Variants in SLC24A2 observed in about 807,000 individuals in gnomAD.
SLC24A2 encodes the protein sodium/potassium/calcium exchanger 2.
SLC24A2 carries 36 observed loss-of-function variants against 62.0 expected under a neutral mutation model. That is an observed-to-expected ratio of 0.58 (90% CI 0.44 to 0.77). The LOEUF (loss-of-function observed/expected upper bound fraction) is 0.77. SLC24A2 is among the 30% of genes least tolerant of loss of function. The pLI is 0.00. For synonymous variants in SLC24A2, 358 were observed against 294.0 expected, an observed-to-expected ratio of 1.22 and a Z score of -2.23; for missense variants, 846 against 817.9, an observed-to-expected ratio of 1.03 and a Z score of -0.42.
At chr9:20,106,519 C>T in the SLC24A2 span, among the ~76,000 whole-genome samples, 4 of 152,192 alleles carry the variant, frequency 2.6e-5, no homozygotes, top group African/African-American at 9.7e-5. Flanking sequence ...TGGGCTTCAT[C>T]CCTGGGATGC....
the SLC24A2 span, among the ~76,000 whole-genome samples, chr9:20,016,274 GA>G: frequency 6.6e-6 from 1 of 151,964 alleles, no homozygotes; most frequent in Non-Finnish European, 1.5e-5. Context: ...TTATTACTAG[GA>G]AAAACATGAA....
At chr9:20,019,103 T>TAGAAAGAA in the SLC24A2 span, among the ~76,000 whole-genome samples, 23 of 84,790 alleles carry the variant, frequency 2.7e-4, no homozygotes, top group East Asian at 2.8e-3. Context: ...GAAAGAAAGA[T>TAGAAAGAA]AGAAAGAAAG....
At chr9:19,648,239 TAATCAGTG>T (rs1210270944) in intron 2 of SLC24A2, among the ~76,000 whole-genome samples, 18 of 152,292 alleles carry the variant, frequency 1.2e-4, no homozygotes, top group African/African-American at 4.1e-4. Flanking sequence ...GCCGTCCAAT[TAATCAGTG>T]GTACTGCCAC....
chr9:20,257,511 G>A, the SLC24A2 span, among the ~76,000 whole-genome samples: 8 of 150,076 alleles, frequency 5.3e-5, no homozygotes, highest in Admixed American at 5.3e-4. Context: ...ACTGGTGTTA[G>A]GATTAAGCTC....
chr9:19,789,475 C>T (rs1459802640), upstream of SLC24A2, among the ~76,000 whole-genome samples: 2 of 152,300 alleles, frequency 1.3e-5, no homozygotes, highest in Middle Eastern at 3.4e-3. Flanking sequence ...CTGTTGGGGT[C>T]CAGGGTTTCT....
chr9:19,640,793 C>T (rs115171650), intron 2 of SLC24A2, among the ~76,000 whole-genome samples: 10 of 152,228 alleles, frequency 6.6e-5, no homozygotes, highest in Non-Finnish European at 1.0e-4. Context: ...CTGTAGTTTG[C>T]TAATTTGTTT....
chr9:19,745,238 T>A (rs187337183), intron 2 of SLC24A2, among the ~76,000 whole-genome samples: 1 of 152,286 alleles, frequency 6.6e-6, no homozygotes, highest in Non-Finnish European at 1.5e-5. Context: ...CAGAAGCAGA[T>A]GACTGTGCCA....
chr9:20,045,226 G>A, the SLC24A2 span, among the ~76,000 whole-genome samples: 2 of 152,064 alleles, frequency 1.3e-5, no homozygotes, highest in East Asian at 3.9e-4. Context: ...CAGCCTAGTG[G>A]GGAAGACAGA....
At chr9:20,147,254 C>T in the SLC24A2 span, among the ~76,000 whole-genome samples, 6 of 152,080 alleles carry the variant, frequency 3.9e-5, no homozygotes, top group South Asian at 4.1e-4. Context: ...TCCTTTGAGT[C>T]GGAGGCCCAG....
At chr9:19,763,015 C>T (rs982495080) in intron 2 of SLC24A2, among the ~76,000 whole-genome samples, 3 of 152,020 alleles carry the variant, frequency 2.0e-5, no homozygotes, top group African/African-American at 4.8e-5. Context: ...GTTTATAGTT[C>T]TCCTTGAGGT....
At chr9:20,184,584 C>CA in the SLC24A2 span, among the ~76,000 whole-genome samples, 2 of 151,964 alleles carry the variant, frequency 1.3e-5, no homozygotes, top group East Asian at 1.9e-4. Flanking sequence ...CAAAATAAAA[C>CA]AAAAAACACA....
the SLC24A2 span, among the ~76,000 whole-genome samples, chr9:20,055,759 G>A: frequency 2.0e-5 from 3 of 151,980 alleles, no homozygotes; most frequent in Admixed American, 6.6e-5. Flanking sequence ...GTGGTGGTGG[G>A]AGCCTGTAAC....
the SLC24A2 span, among the ~76,000 whole-genome samples, chr9:20,077,666 A>G: frequency 1.3e-5 from 2 of 152,178 alleles, no homozygotes; most frequent in African/African-American, 2.4e-5. Flanking sequence ...AATTAATACC[A>G]AGGAGTTAAT....
At chr9:19,693,647 T>G (rs1227875589) in intron 2 of SLC24A2, among the ~76,000 whole-genome samples, 2 of 152,146 alleles carry the variant, frequency 1.3e-5, no homozygotes, top group Admixed American at 6.6e-5. Flanking sequence ...ACAAGACTGA[T>G]AAGCACTAAA....
At chr9:20,125,447 T>C in the SLC24A2 span, among the ~76,000 whole-genome samples, 4 of 152,202 alleles carry the variant, frequency 2.6e-5, no homozygotes, top group Admixed American at 6.5e-5. Context: ...AAAAGTCTTA[T>C]AGTCAGTAAA....
At chr9:19,855,484 G>T in the SLC24A2 span, among the ~76,000 whole-genome samples, 1 of 152,114 alleles carries the variant, frequency 6.6e-6, no homozygotes. Flanking sequence ...GGCAGGCCTG[G>T]TTATGACAAA....
chr9:19,846,987 T>C, the SLC24A2 span, among the ~76,000 whole-genome samples: 3 of 151,948 alleles, frequency 2.0e-5, no homozygotes, highest in Non-Finnish European at 4.4e-5. Flanking sequence ...GTGCCATTGC[T>C]CTCCAGCCTG....
At chr9:19,728,338 A>G (rs372748154) in intron 2 of SLC24A2, among the ~76,000 whole-genome samples, 2 of 151,500 alleles carry the variant, frequency 1.3e-5, no homozygotes, top group Non-Finnish European at 2.9e-5. Flanking sequence ...TCCCAGCTGG[A>G]TAACTTCACA....
At chr9:19,693,781 C>CTTTA (rs531787973) in intron 2 of SLC24A2, among the ~76,000 whole-genome samples, 1 of 151,954 alleles carries the variant, frequency 6.6e-6, no homozygotes, top group African/African-American at 2.4e-5. Flanking sequence ...CCGAGGCACT[C>CTTTA]TTTATTTATT....
Sources: gnomAD v4.1 joint callset for allele counts (sites outside exome capture counted in the v4.1 genomes callset) on GRCh38, gnomAD v4.1.1 for gene constraint, MANE v1.5 for transcripts, NCBI Gene and HGNC (gene_info 2026-07-23, HGNC 2026-07-21) for gene names.